LIPI: variants seen among roughly 807,000 people sequenced by gnomAD.
The protein encoded by LIPI is lipase I, also known as lipase member I.
LIPI carries 59 observed loss-of-function variants against 50.6 expected under a neutral mutation model. The ratio of observed to expected loss-of-function variants is 1.16; its 90% CI spans 0.94 to 1.45. The LOEUF (loss-of-function observed/expected upper bound fraction) is 1.45. LIPI is among the 40% of genes most tolerant of loss of function. The pLI is 0.00. For missense variants in LIPI, 586 were observed against 536.3 expected, an observed-to-expected ratio of 1.09 and a Z score of -0.92; for synonymous variants, 203 against 178.2, an observed-to-expected ratio of 1.14 and a Z score of -1.11.
At chr21:14,142,792 T>C (rs2017761430) in intron 9 of LIPI, among the ~76,000 whole-genome samples, 1 of 151,820 alleles carries the variant, frequency 6.6e-6, no homozygotes, top group Non-Finnish European at 1.5e-5. Flanking sequence ...CCAATTTGTA[T>C]ACTTATAATT....
chr21:14,189,444 G>T, intron 1 of LIPI, 25 bp from the exon 2 acceptor site: 1 of 1,601,006 alleles, frequency 6.2e-7, no homozygotes, highest in Non-Finnish European at 8.6e-7. Context: ...TGTCAGTCAA[G>T]CTGAGTACTG....
chr21:14,166,389 G>T lies in LIPI; in HGVS notation c.706C>A (p.Pro236Thr), dbSNP rs750196117. 3.7e-6 allele frequency: 6 copies of T among 1,606,894 alleles called. No individual in the cohort carries two copies. Among genetic ancestry groups the T allele is most frequent in the Admixed American group, 1.7e-5 (1 of 59,986 alleles). ...GAGAAAATTGATTTAGGACAGCCAGGTTGTTTATTTCCTCCATTTGGATAA... is the reference window on the plus strand; with the variant it reads ...GAGAAAATTGATTTAGGACAGCCAGTTTGTTTATTTCCTCCATTTGGATAA... Reference protein sequence around the residue: ...DFYPNGGNKQPGCPKSIFSGI... With the variant: ...DFYPNGGNKQTGCPKSIFSGI... Residue 236 changes from proline (P) to threonine (T), a missense_variant, in exon 5 of 10, where the codon CCT (proline) becomes ACT (threonine). Transcript: ENST00000681601.
At chr21:14,206,385 G>C (rs1201372240) in intron 1 of LIPI, among the ~76,000 whole-genome samples, 4 of 152,052 alleles carry the variant, frequency 2.6e-5, no homozygotes, top group Non-Finnish European at 5.9e-5. Flanking sequence ...TTTTCATGCT[G>C]GGCAAGCTGC....
chr21:14,178,902 A>T (rs2019179704), intron 4 of LIPI, among the ~76,000 whole-genome samples: 2 of 152,178 alleles, frequency 1.3e-5, no homozygotes, highest in African/African-American at 4.8e-5. Context: ...AGGAGTTCTA[A>T]CAATTCAGAA....
At chr21:14,142,405 T>A (rs1010155173) in intron 9 of LIPI, among the ~76,000 whole-genome samples, 1 of 150,836 alleles carries the variant, frequency 6.6e-6, no homozygotes. Context: ...GCATATTAGG[T>A]CAATGGCTTA....
At position 14,210,787 on chromosome 21, in the gene LIPI, A is replaced by G; in HGVS notation, c.46+13T>C. ...TTTTTAAAGATAAATCAAATTATTA[A>G]TTAATATCTTACCAGATCTCACCCA... On this transcript the variant is annotated intron_variant, in intron 1 of 9. Transcript: ENST00000681601. 1 of 1,087,626 alleles carries G rather than the reference A, an allele frequency of 9.2e-7. No individual in the cohort carries two copies. The highest frequency in any genetic ancestry group is 1.2e-6 in the Non-Finnish European group (1 of 839,684). 67.4% of individuals were successfully genotyped at this position (1,087,626 alleles called of 1,614,324 possible).
intron 1 of LIPI, among the ~76,000 whole-genome samples, chr21:14,205,289 T>G (rs2123351214): frequency 6.6e-6 from 1 of 152,026 alleles, no homozygotes; most frequent in Non-Finnish European, 1.5e-5. Flanking sequence ...AATTATAGAC[T>G]GGAAAAATAA....
chr21:14,193,207 C>T (rs1254348617), intron 1 of LIPI, among the ~76,000 whole-genome samples: 1 of 151,558 alleles, frequency 6.6e-6, no homozygotes, highest in Non-Finnish European at 1.5e-5. Context: ...ATTTGTAATC[C>T]TCAATGTAAT....
intron 9 of LIPI, among the ~76,000 whole-genome samples, chr21:14,113,637 A>G (rs1330697823): frequency 7.5e-6 from 1 of 133,706 alleles, no homozygotes; most frequent in Non-Finnish European, 1.6e-5. Flanking sequence ...ACACAGAAAA[A>G]AAATCTCAAA....
At chr21:14,119,389 G>A (rs2123330025) in intron 9 of LIPI, among the ~76,000 whole-genome samples, 1 of 152,328 alleles carries the variant, frequency 6.6e-6, no homozygotes, top group Admixed American at 6.5e-5. Flanking sequence ...CTGTGGCCAA[G>A]GAGTTCAGTA....
At position 14,189,064 on chromosome 21, in the gene LIPI, C is replaced by T; in HGVS notation, c.402G>A (p.Val134=). Reference sequence around the variant, plus strand: ...GATTTTTAATGTGCACACTCAAACTCACAGCAACTTTTCTGGTGTTTTTAA... The same window carrying T: ...GATTTTTAATGTGCACACTCAAACTTACAGCAACTTTTCTGGTGTTTTTAA... ...RAVKNTRKVA[V]SLSVHIKNLL... The change falls in exon 2 of 10, where the codon GTG becomes GTA. Residue 134 remains valine, a synonymous_variant. Coordinates refer to ENST00000681601, the MANE Select transcript of LIPI (RefSeq NM_001302998.2). 6.2e-7 allele frequency: 1 copy of T among 1,608,356 alleles called. No homozygotes were observed. The highest frequency in any genetic ancestry group is 8.5e-7 in the Non-Finnish European group (1 of 1,179,920).
chr21:14,194,453 A>G (rs1342774196), intron 1 of LIPI, among the ~76,000 whole-genome samples: 1 of 152,180 alleles, frequency 6.6e-6, no homozygotes, highest in African/African-American at 2.4e-5. Context: ...TCTAGAATGG[A>G]ATATTGTTCA....
intron 1 of LIPI, among the ~76,000 whole-genome samples, chr21:14,205,951 G>C (rs1056360720): frequency 2.0e-5 from 3 of 152,054 alleles, no homozygotes; most frequent in Admixed American, 6.6e-5. Context: ...CAAAGATGTA[G>C]GAAGATAATG....
chr21:14,210,777 C>A (rs968656963), intron 1 of LIPI, 23 bp downstream of exon 1: 2 of 1,009,780 alleles, frequency 2.0e-6, no homozygotes, highest in Non-Finnish European at 2.6e-6. Flanking sequence ...AAAGATAAAT[C>A]AAATTATTAA....
intron 9 of LIPI, 129 bp from the exon 10 acceptor site, chr21:14,109,209 T>G: frequency 1.4e-6 from 1 of 728,092 alleles, no homozygotes; most frequent in South Asian, 1.6e-5. Flanking sequence ...TGTAGGGAGT[T>G]GGAACAAATA....
intron 3 of LIPI, among the ~76,000 whole-genome samples, chr21:14,182,516 T>C (rs192854281): frequency 1.2e-3 from 181 of 152,204 alleles, no homozygotes; most frequent in Non-Finnish European, 1.9e-3. Context: ...ATCTATACAA[T>C]GAAGAAACAA....
intron 1 of LIPI, among the ~76,000 whole-genome samples, chr21:14,206,110 C>A (rs1053508178): frequency 2.6e-5 from 4 of 152,112 alleles, no homozygotes; most frequent in Admixed American, 1.3e-4. Flanking sequence ...GTCCAGCATT[C>A]TCTCTGAAAC....
At chr21:14,141,301 A>G (rs954178809) in intron 9 of LIPI, among the ~76,000 whole-genome samples, 1 of 151,830 alleles carries the variant, frequency 6.6e-6, no homozygotes, top group African/African-American at 2.4e-5. Context: ...TCCTTATTCT[A>G]TAAGTTATTG....
intron 9 of LIPI, among the ~76,000 whole-genome samples, chr21:14,116,581 C>T (rs938371669): frequency 2.0e-5 from 3 of 152,144 alleles, no homozygotes; most frequent in Non-Finnish European, 4.4e-5. Context: ...AGGCTAAGAA[C>T]CCTTTTTGAA....
Sources: gnomAD v4.1 joint callset for allele counts (sites outside exome capture counted in the v4.1 genomes callset) on GRCh38, gnomAD v4.1.1 for gene constraint, MANE v1.5 for transcripts, NCBI Gene and HGNC (gene_info 2026-07-23, HGNC 2026-07-21) for gene names.